The following KMT2C variants were observed in gnomAD, a reference collection of about 807,000 sequenced individuals.
KMT2C encodes lysine methyltransferase 2C.
A neutral mutation model predicts 507.9 loss-of-function variants in KMT2C; 88 were observed. The observed-to-expected ratio is 0.17, with a 90% CI of 0.15 to 0.21. KMT2C has a LOEUF of 0.21. Ranked by LOEUF, KMT2C falls within the 10% of genes least tolerant of loss-of-function variation. The pLI, the probability that KMT2C is intolerant of heterozygous loss-of-function variation, is 1.00. For synonymous variants in KMT2C, 2,049 were observed against 2,080.8 expected (o/e 0.98, Z 0.42); for missense variants, 4,954 against 5,957.8 (o/e 0.83, Z 5.55).
intron 23 of KMT2C, among the ~76,000 whole-genome samples, chr7:152,209,543 TACTAAAAAACAC>T (rs1296814822): frequency 2.0e-5 from 3 of 150,024 alleles, no homozygotes; most frequent in Non-Finnish European, 4.4e-5. Context: ...CCTGAAACCC[TACTAAAAAACAC>T]ACTGAAATAA....
chr7:152,365,617 C>T (rs912803793), intron 1 of KMT2C, among the ~76,000 whole-genome samples: 1 of 152,180 alleles, frequency 6.6e-6, no homozygotes, highest in Non-Finnish European at 1.5e-5. Flanking sequence ...AATTCCTGGT[C>T]TCAAGCGATC....
chr7:152,150,546 CAG>C lies in KMT2C; in HGVS notation c.12774+352_12774+353del, dbSNP rs528101841. 4.0e-4 allele frequency among the ~76,000 whole-genome samples: 61 copies of C among 152,168 alleles called. No homozygotes were observed. In the East Asian group the frequency reaches 9.7e-3, roughly 24 times the overall value. Reference sequence around the variant, plus strand: ...CAGGAGAATTGCTTGAATTGGGAGGCAGAGTCTGCAGTGAGCCAAGAGGTGCC... The same window carrying C: ...CAGGAGAATTGCTTGAATTGGGAGGCAGTCTGCAGTGAGCCAAGAGGTGCC... On this transcript the variant is annotated intron_variant, in intron 51 of 58. Transcript: ENST00000262189.
intron 1 of KMT2C, among the ~76,000 whole-genome samples, chr7:152,429,224 T>C (rs1003004445): frequency 5.9e-5 from 9 of 152,176 alleles, no homozygotes; most frequent in Non-Finnish European, 1.2e-4. Flanking sequence ...ACTTTGTAGC[T>C]CTTTAAATAA....
At chr7:152,182,924 T>A in intron 35 of KMT2C, 50 bp downstream of exon 35, 1 of 1,419,514 alleles carries the variant, frequency 7.0e-7, no homozygotes, top group Non-Finnish European at 9.5e-7. Flanking sequence ...ACCTCCCTTC[T>A]CAAAACAAAA....
Position 152,154,051 on chromosome 7 carries a change from G to A in KMT2C, c.12235C>T (p.Leu4079Phe). 1 of 1,614,024 alleles carries A rather than the reference G, an allele frequency of 6.2e-7. No individual in the cohort carries two copies. The highest frequency in any genetic ancestry group is 8.5e-7 in the Non-Finnish European group (1 of 1,179,936). The change falls in exon 48 of 59, where the codon CTT (leucine) becomes TTT (phenylalanine). Residue 4079 changes from leucine to phenylalanine, a missense_variant. Leu to Phe is a conservative substitution (Grantham distance 22). Transcript: ENST00000262189. ...GPSPNGPRSG[L>F]ISVAITLHPT... Reference sequence around the variant, plus strand: ...TGCAGAGTAATTGCTACAGATATAAGACCTGATCTGGGACCATTTGGGGAA... The same window carrying A: ...TGCAGAGTAATTGCTACAGATATAAAACCTGATCTGGGACCATTTGGGGAA...
At chr7:152,411,542 A>C (rs2097683764) in intron 1 of KMT2C, among the ~76,000 whole-genome samples, 1 of 152,224 alleles carries the variant, frequency 6.6e-6, no homozygotes, top group South Asian at 2.1e-4. Context: ...GAGGGGGAAG[A>C]AGGTGGAAGA....
chr7:152,368,142 A>G, intron 1 of KMT2C: 1 of 930,158 alleles, frequency 1.1e-6, no homozygotes, highest in Non-Finnish European at 1.8e-6. Flanking sequence ...GGGTCAAAGG[A>G]AGGCAGTATC....
chr7:152,264,561 C>T (rs1402311497), intron 8 of KMT2C, among the ~76,000 whole-genome samples: 1 of 152,128 alleles, frequency 6.6e-6, no homozygotes, highest in East Asian at 1.9e-4. Context: ...AATTGTCCTT[C>T]CTGGAATGGA....
At chr7:152,287,019 TAGTC>T (rs1327262700) in intron 6 of KMT2C, among the ~76,000 whole-genome samples, 3 of 152,118 alleles carry the variant, frequency 2.0e-5, no homozygotes, top group East Asian at 1.9e-4. Context: ...AAGGAGGACA[TAGTC>T]AGCCATTCCC....
chr7:152,203,538 T>C (rs1280773378), intron 25 of KMT2C, among the ~76,000 whole-genome samples: 1 of 152,168 alleles, frequency 6.6e-6, no homozygotes, highest in African/African-American at 2.4e-5. Flanking sequence ...TTGTAGGATA[T>C]ACACATTGTG....
chr7:152,278,136 C>A (rs1386650603), intron 6 of KMT2C, among the ~76,000 whole-genome samples: 1 of 152,126 alleles, frequency 6.6e-6, no homozygotes, highest in Non-Finnish European at 1.5e-5. Context: ...TGGTGCTGTC[C>A]TTGCGATAAC....
At chr7:152,290,697 G>A (rs970516129) in intron 6 of KMT2C, among the ~76,000 whole-genome samples, 17 of 151,962 alleles carry the variant, frequency 1.1e-4, no homozygotes, top group Admixed American at 7.2e-4. Flanking sequence ...AAAAACTTGC[G>A]AAACTACCAC....
Position 152,167,926 on chromosome 7 carries a change from A to G in KMT2C, c.9518-548T>C, listed in dbSNP as rs188894582. On this transcript the variant is annotated intron_variant, in intron 41 of 58. Transcript: ENST00000262189. ...TTTAGAATGGAATAATTTAAAGTCT[A>G]TGACTTATAAAGGAAATCCATAAGT... Among the ~76,000 whole-genome samples, 194 of 152,356 alleles carry G rather than the reference A, an allele frequency of 1.3e-3. 1 individual carries two copies. Among genetic ancestry groups the G allele is most frequent in the African/African-American group, 4.6e-3 (190 of 41,594 alleles).
At position 152,155,925 on chromosome 7, in the gene KMT2C, T is replaced by C; in HGVS notation, c.11945A>G (p.Asn3982Ser). Reference sequence around the variant, plus strand: ...TAACCTGTACCTTAATTCTTCCTGATTGTTATGAGGTGGTGTTGGGAGGGA... The same window carrying C: ...TAACCTGTACCTTAATTCTTCCTGACTGTTATGAGGTGGTGTTGGGAGGGA... ...PASLPTPPHN[N>S]QEELRIQDHC... Residue 3982 changes from asparagine (N) to serine (S), a missense_variant, in exon 46 of 59, where the codon AAT becomes AGT. By Grantham distance (46) the Asn-to-Ser change is conservative. Around this residue, in one of 29 missense-constraint regions of KMT2C, gnomAD observed 104 missense variants for 134.3 expected, o/e 0.77. Transcript: ENST00000262189. 6.3e-7 allele frequency: 1 copy of C among 1,596,616 alleles called. No homozygotes were observed. Among genetic ancestry groups the C allele is most frequent in the Non-Finnish European group, 8.5e-7 (1 of 1,176,246 alleles).
rs2129166816 is a variant in KMT2C at position 152,252,538 on chromosome 7, C to G, written c.1469+8G>C. ...CAAAACAACTGAATAGAATAACTAT[C>G]TTCTTACCTTTTGCACATATTACAA... On this transcript the variant is annotated splice_region_variant and intron_variant, in intron 10 of 58. Coordinates refer to ENST00000262189, the MANE Select transcript of KMT2C (RefSeq NM_170606.3). 6.2e-7 allele frequency: 1 copy of G among 1,606,592 alleles called. No individual in the cohort carries two copies. The highest frequency in any genetic ancestry group is 8.5e-7 in the Non-Finnish European group (1 of 1,174,388).
intron 6 of KMT2C, among the ~76,000 whole-genome samples, chr7:152,289,193 A>G (rs1357814235): frequency 3.3e-5 from 5 of 152,258 alleles, no homozygotes; most frequent in Admixed American, 1.3e-4. Flanking sequence ...AAAAATTGTT[A>G]CACGATGCAA....
chr7:152,255,312 G>A (rs751597738), intron 9 of KMT2C, among the ~76,000 whole-genome samples: 32 of 151,182 alleles, frequency 2.1e-4, no homozygotes, highest in Middle Eastern at 3.4e-3. Context: ...GACTATAGGC[G>A]TGTGCCACTA....
In KMT2C at chr7:152,358,674, G is replaced by T. The variant is rs2097171770; in HGVS notation, c.163C>A (p.Pro55Thr). The change falls in exon 2 of 59, where the codon CCT becomes ACT. Residue 55 changes from proline (P) to threonine (T), a missense_variant and splice_region_variant. By Grantham distance (38) the Pro-to-Thr change is conservative. Around this residue, in one of 29 missense-constraint regions of KMT2C, gnomAD observed 233 missense variants for 263.6 expected, o/e 0.88. Coordinates refer to ENST00000262189, the MANE Select transcript of KMT2C (RefSeq NM_170606.3). ...ACTGCAGTTTTCCCCCTACTTCGAG[G>T]TCTACAGAAAAAAAAAAAAATAATA... ...ASPFQRARKK[P>T]RSRGKTAVED... The T allele has an allele frequency of 1.9e-6, 3 of 1,572,636 alleles. No homozygotes were observed. The highest frequency in any genetic ancestry group is 2.3e-5 in the South Asian group (2 of 86,396).
At chr7:152,423,942 T>C (rs1338054271) in intron 1 of KMT2C, among the ~76,000 whole-genome samples, 2 of 152,198 alleles carry the variant, frequency 1.3e-5, no homozygotes, top group African/African-American at 4.8e-5. Context: ...TATAGCCCAA[T>C]CTACACTGTG....
Sources: allele counts gnomAD v4.1 joint callset (sites outside exome capture counted in the v4.1 genomes callset), GRCh38; gene constraint gnomAD v4.1.1; regional missense constraint gnomAD v4.1.1; transcripts MANE v1.5; gene names NCBI Gene and HGNC (gene_info 2026-07-23, HGNC 2026-07-21).